The following HERC4 variants were observed in gnomAD, a reference collection of about 807,000 sequenced individuals.
HERC4 encodes HECT and RLD domain containing E3 ubiquitin protein ligase 4, also known as probable E3 ubiquitin-protein ligase HERC4.
Under a neutral mutation model 124.3 loss-of-function variants are expected in HERC4, and 28 were observed. The observed-to-expected ratio is 0.23, with a 90% CI of 0.17 to 0.31. The LOEUF (loss-of-function observed/expected upper bound fraction) is 0.31, where lower values mean the gene tolerates loss of function less well. Among genes scored for constraint, HERC4 ranks in the 10% least tolerant of loss-of-function variants. The probability of loss-of-function intolerance (pLI) is 1.00; values close to 1 mark genes in which losing one functional copy is unlikely to be tolerated. For missense variants in HERC4, 713 were observed against 1,229.3 expected, an observed-to-expected ratio of 0.58 and a Z score of 6.28; for synonymous variants, 407 against 421.5, an observed-to-expected ratio of 0.97 and a Z score of 0.42.
intron 9 of HERC4, among the ~76,000 whole-genome samples, chr10:68,009,570 T>C (rs1273970430): frequency 6.6e-6 from 1 of 152,198 alleles, no homozygotes; most frequent in Non-Finnish European, 1.5e-5. Context: ...TCTCGCCTCA[T>C]TGTCAACATT....
At chr10:67,974,476 G>A (rs548556914) in intron 15 of HERC4, among the ~76,000 whole-genome samples, 13 of 152,256 alleles carry the variant, frequency 8.5e-5, no homozygotes, top group African/African-American at 2.6e-4. Flanking sequence ...ATATCTGAAA[G>A]GGAACAAAAT....
chr10:68,067,390 T>C (rs1050364837), intron 3 of HERC4, among the ~76,000 whole-genome samples: 1 of 152,302 alleles, frequency 6.6e-6, no homozygotes. Flanking sequence ...TTCAAATCTA[T>C]CATCCACATC....
In HERC4 at chr10:67,932,788, TG is replaced by T. The variant is rs201958904; in HGVS notation, c.2655-9del. ...GCATCGACAAACTCTTGCCTAGAAA[TG>T]AAAAAGCACACATGTACAGATTATA... is the stretch of plus-strand genomic sequence containing the variant. On this transcript the variant is annotated splice_polypyrimidine_tract_variant and intron_variant, in intron 22 of 24. Transcript: ENST00000373700. 3,172 of 1,586,038 alleles carry T rather than the reference TG, an allele frequency of 2.0e-3. 58 individuals carry two copies. The African/African-American group carries it at 0.037, about 19-fold the overall frequency.
chr10:67,941,669 CTTTTTTTTTTTTTTTTT>C (rs755666986), intron 19 of HERC4, among the ~76,000 whole-genome samples: 1 of 91,762 alleles, frequency 1.1e-5, no homozygotes, highest in Non-Finnish European at 2.1e-5. Context: ...TAAAACACAA[CTTTTTTTTTTTTTTTTT>C]TTTTTTTTTT....
chr10:68,066,034 AAT>A (rs1359517982), intron 3 of HERC4, among the ~76,000 whole-genome samples: 1 of 152,162 alleles, frequency 6.6e-6, no homozygotes, highest in Non-Finnish European at 1.5e-5. Flanking sequence ...TGAGCTCATT[AAT>A]ATAGTTTCCT....
chr10:67,949,744 T>G (rs775471104), intron 19 of HERC4, among the ~76,000 whole-genome samples: 1 of 152,102 alleles, frequency 6.6e-6, no homozygotes, highest in Non-Finnish European at 1.5e-5. Context: ...AAGCATCACA[T>G]AGCTGGGCGC....
At chr10:67,950,663 GGAA>G (rs1228361865) in intron 19 of HERC4, among the ~76,000 whole-genome samples, 1 of 152,208 alleles carries the variant, frequency 6.6e-6, no homozygotes, top group Non-Finnish European at 1.5e-5. Context: ...AATATGGAAA[GGAA>G]GAAGGCTAGA....
At chr10:67,923,266 CT>C in intron 24 of HERC4, 127 bp from the exon 25 acceptor site, 1 of 642,616 alleles carries the variant, frequency 1.6e-6, no homozygotes, top group Non-Finnish European at 2.6e-6. Context: ...ATCTTACTTC[CT>C]AATTTGTGGA....
intron 15 of HERC4, among the ~76,000 whole-genome samples, chr10:67,967,605 C>A (rs1211944276): frequency 6.6e-6 from 1 of 152,142 alleles, no homozygotes; most frequent in Non-Finnish European, 1.5e-5. Flanking sequence ...AAAAACAAAT[C>A]TTTACAGTGG....
At chr10:68,071,370 G>A (rs1185511392) in intron 3 of HERC4, among the ~76,000 whole-genome samples, 3 of 152,200 alleles carry the variant, frequency 2.0e-5, no homozygotes, top group Non-Finnish European at 4.4e-5. Flanking sequence ...TTAAACCTCA[G>A]TAGACCTAAG....
Position 68,010,127 on chromosome 10 carries a change from C to T in HERC4, c.1069+3899G>A. 2.5e-6 allele frequency: 2 copies of T among 814,426 alleles called. 1 individual carries two copies. The highest frequency in any genetic ancestry group is 2.9e-5 in the South Asian group (2 of 70,058). 50.4% of individuals were successfully genotyped at this position (814,426 alleles called of 1,614,324 possible). A position where few individuals can be genotyped will look rare whatever the true frequency, so the allele number is the denominator to read the frequency against. On this transcript the variant is annotated intron_variant, in intron 9 of 24. Coordinates refer to ENST00000373700, the MANE Select transcript of HERC4 (RefSeq NM_015601.4). ...TGAATGAAGAACTTAATCCCAAAAG[C>T]CCTGGCACAAACTCCGGGTTCTCTT...
intron 19 of HERC4, among the ~76,000 whole-genome samples, chr10:67,944,344 C>T (rs12355259): frequency 0.47 from 71,346 of 152,208 alleles, 20,763 homozygotes; most frequent in Non-Finnish European, 0.66. Flanking sequence ...AAGACCAGGA[C>T]AGTACCTCTT....
In HERC4 at chr10:67,956,920, T is replaced by A. The variant is rs146874406; in HGVS notation, c.1983A>T (p.Ala661=). 461 of 1,604,414 alleles carry A rather than the reference T, an allele frequency of 2.9e-4. 3 individuals are homozygous for A. In the Admixed American group the frequency reaches 7.6e-3, roughly 26 times the overall value. ...CATCGGTCTGTAACAGAGTAGTTTT[T>A]GCTTGGGCATCAAATACAAATGGAT... is the stretch of plus-strand genomic sequence containing the variant. The part of the protein sequence containing the change: ...CTYPFVFDAQ[A]KTTLLQTDAV... Residue 661 remains alanine, a synonymous_variant, in exon 17 of 25, where the codon GCA becomes GCT. Coordinates refer to ENST00000373700, the MANE Select transcript of HERC4 (RefSeq NM_015601.4).
intron 5 of HERC4, 43 bp from the exon 6 acceptor site, chr10:68,034,229 C>CA (rs1251008891): frequency 2.1e-6 from 3 of 1,405,078 alleles, no homozygotes; most frequent in Non-Finnish European, 3.0e-6. Context: ...TTCTCACATG[C>CA]AAAAAATTTA....
At chr10:67,939,452 A>T in intron 21 of HERC4, 136 bp downstream of exon 21, 5 of 589,740 alleles carry the variant, frequency 8.5e-6, no homozygotes, top group South Asian at 7.3e-5. Context: ...GCTAGCATGT[A>T]GTAAATGCTC....
At chr10:67,935,633 A>G (rs1450290863) in intron 22 of HERC4, among the ~76,000 whole-genome samples, 2 of 152,190 alleles carry the variant, frequency 1.3e-5, no homozygotes, top group Non-Finnish European at 2.9e-5. Flanking sequence ...TCCAGAAGGT[A>G]AATTTCCAAT....
intron 8 of HERC4, among the ~76,000 whole-genome samples, chr10:68,023,006 T>C (rs1327375326): frequency 1.4e-5 from 2 of 140,238 alleles, no homozygotes; most frequent in African/African-American, 5.2e-5. Flanking sequence ...ATAGGTATTA[T>C]AAAAAAAAAA....
Position 68,073,001 on chromosome 10 carries a change from G to C in HERC4, c.108C>G (p.Val36=), listed in dbSNP as rs200279919. Residue 36 remains valine, a synonymous_variant, in exon 3 of 25, where the codon GTC becomes GTG. Coordinates refer to ENST00000373700, the MANE Select transcript of HERC4 (RefSeq NM_015601.4). ...GTCTGAGTCCACATCCTACATCTCG[G>C]ACCCTTTTATTTATAAAGAAGTCAC... ...RKSDFFINKR[V]RDVGCGLRHT... 6 of 1,613,812 alleles carry C rather than the reference G, an allele frequency of 3.7e-6. No homozygotes were observed. Among genetic ancestry groups the C allele is most frequent in the African/African-American group, 1.3e-5 (1 of 74,966 alleles).
At chr10:67,926,422 A>AT (rs1263332952) in intron 23 of HERC4, among the ~76,000 whole-genome samples, 16 of 149,426 alleles carry the variant, frequency 1.1e-4, no homozygotes, top group African/African-American at 3.9e-4. Flanking sequence ...AAAATAAAAA[A>AT]AAAAAAAAAC....
Sources: gnomAD v4.1 joint callset for allele counts (sites outside exome capture counted in the v4.1 genomes callset) on GRCh38, gnomAD v4.1.1 for gene constraint, MANE v1.5 for transcripts, NCBI Gene and HGNC (gene_info 2026-07-23, HGNC 2026-07-21) for gene names.